The following SLC35F1 variants were observed in gnomAD, a reference collection of about 807,000 sequenced individuals.
SLC35F1 encodes the protein solute carrier family 35 member F1, also known as chromosome 6 open reading frame 169.
SLC35F1 carries 14 observed loss-of-function variants against 48.7 expected under a neutral mutation model. That is an observed-to-expected ratio of 0.29 (90% confidence interval 0.19 to 0.45). SLC35F1 has a LOEUF of 0.45. Among genes scored for constraint, SLC35F1 ranks in the 20% least tolerant of loss-of-function variants. SLC35F1 has a pLI of 1.00. For synonymous variants in SLC35F1, 190 were observed against 202.2 expected (o/e 0.94, Z 0.51); for missense variants, 404 against 500.0 (o/e 0.81, Z 1.83).
intron 1 of SLC35F1, among the ~76,000 whole-genome samples, chr6:117,913,475 TAATGCCTAAATA>T (rs1775788455): frequency 6.6e-6 from 1 of 152,210 alleles, no homozygotes; most frequent in Admixed American, 6.5e-5. Flanking sequence ...TTGTTACACA[TAATGCCTAAATA>T]AATGCTTCCC....
rs1291285594 is a variant in SLC35F1, at chr6:118,043,202, T to C, written c.174-111243T>C. 2.0e-5 allele frequency among the ~76,000 whole-genome samples: 3 copies of C among 152,176 alleles called. No individual in the cohort carries two copies. The East Asian group carries it at 5.8e-4, about 29-fold the overall frequency. On this transcript the variant is annotated intron_variant, in intron 1 of 7. Coordinates refer to ENST00000360388, the MANE Select transcript of SLC35F1 (RefSeq NM_001029858.4). ...CTAACAGGTACTCAATAAATATATA[T>C]TACAGAATAAATAAAAATCACTTTA... is the stretch of plus-strand genomic sequence containing the variant.
At chr6:117,916,452 G>T (rs994499624) in intron 1 of SLC35F1, among the ~76,000 whole-genome samples, 2 of 152,110 alleles carry the variant, frequency 1.3e-5, no homozygotes, top group Non-Finnish European at 2.9e-5. Context: ...AATCATGGAT[G>T]GGGGGAGCGG....
At chr6:118,180,516 GA>G (rs1363758469) in intron 2 of SLC35F1, among the ~76,000 whole-genome samples, 1 of 151,744 alleles carries the variant, frequency 6.6e-6, no homozygotes, top group East Asian at 1.9e-4. Flanking sequence ...AGGTAGATCT[GA>G]AAAAAACAAC....
intron 2 of SLC35F1, among the ~76,000 whole-genome samples, chr6:118,190,368 T>C (rs1774715615): frequency 6.6e-6 from 1 of 152,022 alleles, no homozygotes; most frequent in Non-Finnish European, 1.5e-5. Flanking sequence ...GCAACTCCAT[T>C]TTGGTTTGGT....
intron 1 of SLC35F1, among the ~76,000 whole-genome samples, chr6:118,027,052 A>G (rs1000334295): frequency 6.6e-6 from 1 of 152,194 alleles, no homozygotes; most frequent in African/African-American, 2.4e-5. Context: ...TAAATGGATG[A>G]TAAACTATGT....
At chr6:118,141,414 T>C (rs1483725603) in intron 1 of SLC35F1, among the ~76,000 whole-genome samples, 1 of 152,190 alleles carries the variant, frequency 6.6e-6, no homozygotes, top group Non-Finnish European at 1.5e-5. Flanking sequence ...TGCACAATTA[T>C]TAAAATCACT....
intron 1 of SLC35F1, among the ~76,000 whole-genome samples, chr6:118,078,260 A>C (rs574768181): frequency 3.3e-5 from 5 of 152,352 alleles, no homozygotes; most frequent in African/African-American, 9.6e-5. Context: ...AGTTGAATAC[A>C]ATGAAAGTCA....
intron 1 of SLC35F1, among the ~76,000 whole-genome samples, chr6:117,927,912 A>AT (rs1472491959): frequency 2.0e-5 from 3 of 152,168 alleles, no homozygotes; most frequent in African/African-American, 7.2e-5. Flanking sequence ...TGATGAACTG[A>AT]TTCATGGAGA....
At chr6:118,150,099 G>A (rs1174775169) in intron 1 of SLC35F1, among the ~76,000 whole-genome samples, 3 of 152,156 alleles carry the variant, frequency 2.0e-5, no homozygotes, top group South Asian at 2.1e-4. Context: ...GGCTGCTTGC[G>A]TAACTTCTCT....
At chr6:118,032,930 T>C (rs938133106) in intron 1 of SLC35F1, among the ~76,000 whole-genome samples, 2 of 152,178 alleles carry the variant, frequency 1.3e-5, no homozygotes, top group Non-Finnish European at 2.9e-5. Context: ...TTTTCTCACC[T>C]TTTGCAAATT....
At chr6:118,099,386 G>A (rs1387450702) in intron 1 of SLC35F1, among the ~76,000 whole-genome samples, 1 of 152,178 alleles carries the variant, frequency 6.6e-6, no homozygotes, top group East Asian at 1.9e-4. Context: ...TGCTACAGCT[G>A]TCAGCTATGG....
At chr6:117,990,575 T>C (rs1186205994) in intron 1 of SLC35F1, among the ~76,000 whole-genome samples, 3 of 152,212 alleles carry the variant, frequency 2.0e-5, no homozygotes, top group African/African-American at 7.2e-5. Flanking sequence ...GCATTTGCAT[T>C]GCAATTTGCA....
chr6:117,994,993 C>A (rs1034137712), intron 1 of SLC35F1, among the ~76,000 whole-genome samples: 1 of 152,170 alleles, frequency 6.6e-6, no homozygotes, highest in African/African-American at 2.4e-5. Flanking sequence ...TATCAGCACT[C>A]CTTGAATTAC....
intron 1 of SLC35F1, among the ~76,000 whole-genome samples, chr6:118,109,068 A>G (rs1773361860): frequency 6.6e-6 from 1 of 152,200 alleles, no homozygotes; most frequent in African/African-American, 2.4e-5. Flanking sequence ...GGAACTTCAC[A>G]TGTAGAAACA....
intron 2 of SLC35F1, among the ~76,000 whole-genome samples, chr6:118,174,823 G>GA (rs1774462822): frequency 1.3e-5 from 2 of 151,190 alleles, no homozygotes. Context: ...TACACAAAGG[G>GA]AAAATATACT....
At chr6:118,207,188 G>A (rs1298812293) in intron 2 of SLC35F1, among the ~76,000 whole-genome samples, 3 of 152,136 alleles carry the variant, frequency 2.0e-5, no homozygotes, top group East Asian at 1.9e-4. Flanking sequence ...GATCTCAGAA[G>A]AGCCCTAGGA....
chr6:118,002,222 C>G (rs1777109745), intron 1 of SLC35F1, among the ~76,000 whole-genome samples: 1 of 151,840 alleles, frequency 6.6e-6, no homozygotes, highest in Non-Finnish European at 1.5e-5. Flanking sequence ...CATTGATAGA[C>G]TGGATTAAGA....
At chr6:118,005,077 G>A (rs1490360778) in intron 1 of SLC35F1, among the ~76,000 whole-genome samples, 1 of 152,174 alleles carries the variant, frequency 6.6e-6, no homozygotes, top group East Asian at 1.9e-4. Context: ...TCTGAGAAGA[G>A]TTTCCAGAGG....
chr6:118,097,325 A>G (rs1389375917), intron 1 of SLC35F1, among the ~76,000 whole-genome samples: 1 of 152,214 alleles, frequency 6.6e-6, no homozygotes, highest in Non-Finnish European at 1.5e-5. Context: ...TGAATGAATG[A>G]ATGAATGAAT....
Sources: allele counts gnomAD v4.1 joint callset (sites outside exome capture counted in the v4.1 genomes callset), GRCh38; gene constraint gnomAD v4.1.1; transcripts MANE v1.5; gene names NCBI Gene and HGNC (gene_info 2026-07-23, HGNC 2026-07-21).